STON1: variants seen among roughly 807,000 people sequenced by gnomAD.
STON1 encodes stonin 1.
A neutral mutation model predicts 60.9 loss-of-function variants in STON1; 79 were observed. The ratio of observed to expected loss-of-function variants is 1.30; its 90% CI spans 1.08 to 1.56. The LOEUF is 1.56. STON1 is among the 40% of genes most tolerant of loss of function. STON1 has a pLI of 0.00. For synonymous variants in STON1, 363 were observed against 306.9 expected, an observed-to-expected ratio of 1.18 and a Z score of -1.91; for missense variants, 1,166 against 858.9, an observed-to-expected ratio of 1.36 and a Z score of -4.47.
At chr2:48,591,522 A>T in intron 2 of STON1, 131 bp from the exon 3 acceptor site, 1 of 1,265,192 alleles carries the variant, frequency 7.9e-7, no homozygotes, top group Non-Finnish European at 1.1e-6. Context: ...TATGTTGTTT[A>T]AATGGAATTT....
intron 1 of STON1, among the ~76,000 whole-genome samples, chr2:48,561,299 G>C (rs1672599490): frequency 6.6e-6 from 1 of 152,122 alleles, no homozygotes; most frequent in Non-Finnish European, 1.5e-5. Flanking sequence ...TTGTTTTCTA[G>C]ATTATATTTG....
intron 1 of STON1, among the ~76,000 whole-genome samples, chr2:48,547,501 G>A (rs954994696): frequency 6.6e-6 from 1 of 152,224 alleles, no homozygotes; most frequent in Non-Finnish European, 1.5e-5. Flanking sequence ...AAGCCCTGAG[G>A]CGGGGATAGC....
Position 48,595,325 on chromosome 2 carries a change from C to T in STON1, c.*23C>T. The T allele has an allele frequency of 6.3e-7, 1 of 1,593,834 alleles. No individual in the cohort carries two copies. The highest frequency in any genetic ancestry group is 8.6e-7 in the Non-Finnish European group (1 of 1,162,240). ...TAGGAGTAGCAAGAGTTTATGATGA[C>T]AGCCCACTTGTCAAATATGTAATTC... is the stretch of plus-strand genomic sequence containing the variant. On this transcript the variant is annotated 3_prime_UTR_variant, in exon 4 of 4. Transcript: ENST00000404752.
At chr2:48,553,656 T>A (rs1672194072) in intron 1 of STON1, among the ~76,000 whole-genome samples, 1 of 152,078 alleles carries the variant, frequency 6.6e-6, no homozygotes, top group African/African-American at 2.4e-5. Flanking sequence ...CCTGGCTAAT[T>A]TTTTTATTTT....
chr2:48,552,162 G>T (rs1253417463), intron 1 of STON1, among the ~76,000 whole-genome samples: 2 of 152,260 alleles, frequency 1.3e-5, no homozygotes, highest in South Asian at 4.1e-4. Flanking sequence ...ATATTATTCA[G>T]CCTTAAAAAG....
chr2:48,565,235 G>A (rs1483070648), intron 1 of STON1, among the ~76,000 whole-genome samples: 1 of 151,494 alleles, frequency 6.6e-6, no homozygotes, highest in South Asian at 2.1e-4. Flanking sequence ...TGTATTTTTG[G>A]TAGAGACAGG....
chr2:48,541,699 C>CAAAAAAAAAAAAA (rs71399061), intron 1 of STON1, among the ~76,000 whole-genome samples: 1 of 60,678 alleles, frequency 1.6e-5, no homozygotes, highest in Admixed American at 2.5e-4. Flanking sequence ...AACTTCGTCT[C>CAAAAAAAAAAAAA]AAAAAAAAAA....
In STON1 at chr2:48,591,300, A is replaced by G. The variant is rs1389488789; in HGVS notation, c.1931-353A>G. On this transcript the variant is annotated intron_variant, in intron 2 of 3. Transcript: ENST00000404752. ...TATACTAATATAATTTGCTAAATATAGTAATATTTCTAATTAATATTAGTA... is the reference window on the plus strand; with the variant it reads ...TATACTAATATAATTTGCTAAATATGGTAATATTTCTAATTAATATTAGTA... 3.3e-5 allele frequency among the ~76,000 whole-genome samples: 5 copies of G among 150,456 alleles called. No individual in the cohort carries two copies. In the East Asian group the frequency reaches 9.7e-4, roughly 29 times the overall value.
chr2:48,568,125 C>G (rs1432867283), intron 1 of STON1, among the ~76,000 whole-genome samples: 1 of 152,158 alleles, frequency 6.6e-6, no homozygotes, highest in African/African-American at 2.4e-5. Context: ...ATTGACCCAA[C>G]AGGGACAGTT....
Position 48,581,370 on chromosome 2 carries a change from G to C in STON1, c.737G>C (p.Arg246Thr). Residue 246 changes from arginine (R) to threonine (T), a missense_variant, in exon 2 of 4, where the codon AGA becomes ACA. Transcript: ENST00000404752. ...LQSAENQDSL[R>T]SLSMHCLCAE... is the part of the protein sequence containing the mutation. ...TCAGCTGAGAACCAAGACTCACTTA[G>C]AAGTTTGTCTATGCACTGTCTATGT... The C allele has an allele frequency of 1.3e-6, 2 of 1,575,252 alleles. No homozygotes were observed. Among genetic ancestry groups the C allele is most frequent in the East Asian group, 4.5e-5 (2 of 44,472 alleles).
intron 2 of STON1, among the ~76,000 whole-genome samples, chr2:48,585,108 A>C (rs184481917): frequency 2.0e-4 from 30 of 152,330 alleles, no homozygotes; most frequent in Admixed American, 1.6e-3. Context: ...GCTCAGGCTT[A>C]GGGCAGAGTG....
In STON1 at chr2:48,586,303, T is replaced by A. The variant is rs531885783; in HGVS notation, c.1930+3740T>A. 2.3e-4 allele frequency among the ~76,000 whole-genome samples: 35 copies of A among 152,348 alleles called. No homozygotes were observed. In the South Asian group the frequency reaches 7.0e-3, roughly 31 times the overall value. ...ACTCCACAAACATCTACTAAAGTTC[T>A]TCTAGGTATAGGTTCTGTGCTGAGT... On this transcript the variant is annotated intron_variant, in intron 2 of 3. Transcript: ENST00000404752.
At chr2:48,572,329 C>T (rs1446057722) in intron 1 of STON1, among the ~76,000 whole-genome samples, 8 of 152,082 alleles carry the variant, frequency 5.3e-5, no homozygotes, top group Non-Finnish European at 1.2e-4. Flanking sequence ...CTATTGGGCA[C>T]CATATGAAGT....
At chr2:48,539,076 C>T (rs1671550919) in intron 1 of STON1, among the ~76,000 whole-genome samples, 1 of 152,050 alleles carries the variant, frequency 6.6e-6, no homozygotes, top group Non-Finnish European at 1.5e-5. Flanking sequence ...CACCACTATG[C>T]CCAGCAAAGT....
chr2:48,574,111 C>G (rs1171699871), intron 1 of STON1, among the ~76,000 whole-genome samples: 1 of 152,126 alleles, frequency 6.6e-6, no homozygotes, highest in African/African-American at 2.4e-5. Context: ...TGCAGTGGCT[C>G]ACACCTGTAA....
At chr2:48,542,731 C>G (rs1671703438) in intron 1 of STON1, among the ~76,000 whole-genome samples, 1 of 152,042 alleles carries the variant, frequency 6.6e-6, no homozygotes, top group Admixed American at 6.6e-5. Flanking sequence ...ATGGCAAAAC[C>G]CCATCTCTAC....
intron 1 of STON1, among the ~76,000 whole-genome samples, chr2:48,564,551 TC>T (rs1241322553): frequency 3.9e-5 from 2 of 51,560 alleles, no homozygotes; most frequent in Admixed American, 2.0e-4. Context: ...TTCTTCTTCT[TC>T]TTCTTCTTCT....
Position 48,582,496 on chromosome 2 carries a change from A to G in STON1, c.1863A>G (p.Ser621=). The G allele has an allele frequency of 3.1e-6, 5 of 1,614,212 alleles. No individual in the cohort carries two copies. The highest frequency in any genetic ancestry group is 1.7e-5 in the Admixed American group (1 of 60,028). Reference sequence around the variant, plus strand: ...CTGTCATTCAAGTCACTGTGGGGTCAGCAAAATATGAGAGTGCCTACCAGG... The same window carrying G: ...CTGTCATTCAAGTCACTGTGGGGTCGGCAAAATATGAGAGTGCCTACCAGG... ...SEPVIQVTVG[S]AKYESAYQAV... is the part of the protein sequence containing the mutation. Residue 621 remains serine (S), a synonymous_variant, in exon 2 of 4, where the codon TCA becomes TCG. Transcript: ENST00000404752.
At position 48,596,759 on chromosome 2, in the gene STON1, A is replaced by G. The variant is rs970239573; in HGVS notation, c.*1457A>G. On this transcript the variant is annotated 3_prime_UTR_variant, in exon 4 of 4. Transcript: ENST00000404752. ...CAAACATTTATGATGGTCTGTATCA[A>G]TCAGCAGATTTTATTGCTTTTCATT... 5 of 152,236 alleles carry G rather than the reference A, an allele frequency of 3.3e-5. No individual in the cohort carries two copies. Among genetic ancestry groups the G allele is most frequent in the Non-Finnish European group, 7.3e-5 (5 of 68,044 alleles). 9.4% of individuals were successfully genotyped at this position (152,236 alleles called of 1,614,324 possible). A position where few individuals can be genotyped will look rare whatever the true frequency, so the allele number is the denominator to read the frequency against.
Sources: allele counts gnomAD v4.1 joint callset (sites outside exome capture counted in the v4.1 genomes callset), GRCh38; gene constraint gnomAD v4.1.1; transcripts MANE v1.5; gene names NCBI Gene and HGNC (gene_info 2026-07-23, HGNC 2026-07-21).